Variants in UNC5D observed in about 807,000 individuals in gnomAD.
UNC5D encodes netrin receptor UNC5D.
Under a neutral mutation model 105.4 loss-of-function variants are expected in UNC5D, and 39 were observed. That is an observed-to-expected ratio of 0.37 (90% CI 0.29 to 0.48). The LOEUF (loss-of-function observed/expected upper bound fraction) is 0.48. Ranked by LOEUF, UNC5D falls within the 20% of genes least tolerant of loss-of-function variation. UNC5D has a pLI of 0.98. For missense variants in UNC5D, 991 were observed against 1,202.4 expected (o/e 0.82, Z 2.60); for synonymous variants, 452 against 450.4 (o/e 1.00, Z -0.04).
At chr8:35,663,994 A>G (rs941195240) in intron 4 of UNC5D, among the ~76,000 whole-genome samples, 1 of 152,196 alleles carries the variant, frequency 6.6e-6, no homozygotes, top group African/African-American at 2.4e-5. Context: ...TTGTATATTA[A>G]AAACTGGTTA....
chr8:35,473,926 C>T (rs922946940), intron 1 of UNC5D, among the ~76,000 whole-genome samples: 2 of 152,124 alleles, frequency 1.3e-5, no homozygotes, highest in Non-Finnish European at 2.9e-5. Context: ...TGTGTCCTCC[C>T]ATGGCAGAAG....
chr8:35,558,373 G>T (rs1816706283), intron 2 of UNC5D, among the ~76,000 whole-genome samples: 1 of 152,048 alleles, frequency 6.6e-6, no homozygotes, highest in Admixed American at 6.6e-5. Flanking sequence ...GTAACACAAT[G>T]TTAAGATAAA....
chr8:35,569,080 GA>G (rs1817556213), intron 3 of UNC5D, among the ~76,000 whole-genome samples: 1 of 149,038 alleles, frequency 6.7e-6, no homozygotes, highest in Non-Finnish European at 1.5e-5. Flanking sequence ...TACACACTTG[GA>G]AAAAAGTATG....
intron 1 of UNC5D, among the ~76,000 whole-genome samples, chr8:35,269,132 A>T (rs1805095096): frequency 6.6e-6 from 1 of 152,218 alleles, no homozygotes; most frequent in South Asian, 2.1e-4. Context: ...GATCTTTACA[A>T]ATTATATGAA....
chr8:35,333,827 T>A lies in UNC5D; in HGVS notation c.103+97940T>A, dbSNP rs1356738211. On this transcript the variant is annotated intron_variant, in intron 1 of 16. Coordinates refer to ENST00000404895, the MANE Select transcript of UNC5D (RefSeq NM_080872.4). ...TGAGGGTAAATCTGTTACTACAAGT[T>A]TAGAATACAGGGTACTTTACTACAG... Among the ~76,000 whole-genome samples the A allele has an allele frequency of 2.6e-5, 4 of 152,196 alleles. 1 individual carries two copies. Among genetic ancestry groups the A allele is most frequent in the African/African-American group, 9.7e-5 (4 of 41,448 alleles).
intron 4 of UNC5D, among the ~76,000 whole-genome samples, chr8:35,650,992 G>A (rs1046828433): frequency 6.6e-6 from 1 of 152,224 alleles, no homozygotes; most frequent in African/African-American, 2.4e-5. Flanking sequence ...CTGTGGTCAT[G>A]TGACAGGCTT....
chr8:35,748,834 A>G (rs1830125813), intron 12 of UNC5D, 139 bp downstream of exon 12: 5 of 895,668 alleles, frequency 5.6e-6, no homozygotes, highest in Non-Finnish European at 8.2e-6. Flanking sequence ...ATAATATCCT[A>G]AACATATTGG....
intron 11 of UNC5D, 75 bp from the exon 12 acceptor site, chr8:35,748,452 G>A (rs988985770): frequency 6.7e-7 from 1 of 1,489,610 alleles, no homozygotes; most frequent in African/African-American, 1.4e-5. Flanking sequence ...ACCCCAGTCT[G>A]TTAACCAAAT....
At chr8:35,448,178 C>G (rs1240246358) in intron 1 of UNC5D, among the ~76,000 whole-genome samples, 1 of 152,056 alleles carries the variant, frequency 6.6e-6, no homozygotes, top group Non-Finnish European at 1.5e-5. Context: ...CACCCTTACC[C>G]TATGCCTATC....
chr8:35,343,016 A>G (rs980848937), intron 1 of UNC5D, among the ~76,000 whole-genome samples: 1 of 152,072 alleles, frequency 6.6e-6, no homozygotes, highest in Non-Finnish European at 1.5e-5. Flanking sequence ...AGGTCTTATT[A>G]GAGGACAAAT....
intron 8 of UNC5D, among the ~76,000 whole-genome samples, chr8:35,719,886 C>T (rs1307300283): frequency 1.3e-5 from 2 of 152,142 alleles, no homozygotes; most frequent in African/African-American, 4.8e-5. Flanking sequence ...TACCCTGTCC[C>T]TGAAGTTCCT....
chr8:35,409,655 A>G (rs1805031256), intron 1 of UNC5D, among the ~76,000 whole-genome samples: 1 of 151,802 alleles, frequency 6.6e-6, no homozygotes, highest in African/African-American at 2.4e-5. Flanking sequence ...TTTTTATTGA[A>G]TATGTGATTC....
At chr8:35,755,579 G>A (rs897243266) in intron 13 of UNC5D, among the ~76,000 whole-genome samples, 4 of 152,062 alleles carry the variant, frequency 2.6e-5, no homozygotes, top group African/African-American at 9.7e-5. Context: ...GAATATTGCT[G>A]CCTGTCTGAT....
chr8:35,538,399 A>ATATATG (rs1372120831), intron 1 of UNC5D, among the ~76,000 whole-genome samples: 32 of 23,504 alleles, frequency 1.4e-3, no homozygotes, highest in African/African-American at 1.2e-3. Flanking sequence ...AAATAATTAT[A>ATATATG]TATATATATA....
At chr8:35,511,607 A>G (rs1315992404) in intron 1 of UNC5D, among the ~76,000 whole-genome samples, 1 of 152,092 alleles carries the variant, frequency 6.6e-6, no homozygotes, top group African/African-American at 2.4e-5. Context: ...AGGCCTCACA[A>G]TAATAAGTGG....
At chr8:35,247,382 G>A (rs868662864) in intron 1 of UNC5D, among the ~76,000 whole-genome samples, 14 of 147,736 alleles carry the variant, frequency 9.5e-5, no homozygotes, top group African/African-American at 2.2e-4. Context: ...TTATAGATTC[G>A]TTTTGTGTTT....
intron 7 of UNC5D, among the ~76,000 whole-genome samples, chr8:35,690,890 C>T (rs980029282): frequency 1.3e-5 from 2 of 152,200 alleles, no homozygotes; most frequent in African/African-American, 2.4e-5. Context: ...TAATTTTCTT[C>T]CTTGACACTC....
At chr8:35,776,069 C>A (rs1471814210) in intron 16 of UNC5D, among the ~76,000 whole-genome samples, 3 of 152,112 alleles carry the variant, frequency 2.0e-5, no homozygotes, top group Non-Finnish European at 2.9e-5. Context: ...TTCTGATCAA[C>A]ATGGATCCAA....
chr8:35,748,418 G>T (rs1830105548), intron 11 of UNC5D, 109 bp from the exon 12 acceptor site: 1 of 1,166,980 alleles, frequency 8.6e-7, no homozygotes, highest in East Asian at 2.5e-5. Flanking sequence ...ATCCTGGAAA[G>T]GAATATTTAT....
Sources: gnomAD v4.1 joint callset for allele counts (sites outside exome capture counted in the v4.1 genomes callset) on GRCh38, gnomAD v4.1.1 for gene constraint, MANE v1.5 for transcripts, NCBI Gene and HGNC (gene_info 2026-07-23, HGNC 2026-07-21) for gene names.